Variants in MALRD1 observed in about 807,000 individuals in gnomAD.
The protein encoded by MALRD1 is MAM and LDL-receptor class A domain-containing protein 1.
MALRD1 carries 247 observed loss-of-function variants against 242.1 expected under a neutral mutation model. That is an observed-to-expected ratio of 1.02 (90% CI 0.92 to 1.13). The LOEUF is 1.13. MALRD1 is among the 50% of genes most tolerant of loss of function. MALRD1 has a pLI of 0.00. For missense variants in MALRD1, 2,989 were observed against 2,533.1 expected, an observed-to-expected ratio of 1.18 and a Z score of -3.86; for synonymous variants, 995 against 866.6, an observed-to-expected ratio of 1.15 and a Z score of -2.60.
chr10:19,644,037 C>G (rs1840534784), intron 36 of MALRD1, among the ~76,000 whole-genome samples: 1 of 152,208 alleles, frequency 6.6e-6, no homozygotes, highest in Admixed American at 6.5e-5. Context: ...CTCCTCTTGC[C>G]TCTTCGGCTT....
chr10:19,168,593 C>G (rs1286540606), intron 13 of MALRD1, among the ~76,000 whole-genome samples: 1 of 152,128 alleles, frequency 6.6e-6, no homozygotes, highest in Non-Finnish European at 1.5e-5. Context: ...TTAATGTTCT[C>G]CTTTTTGGAT....
intron 36 of MALRD1, among the ~76,000 whole-genome samples, chr10:19,639,872 T>C (rs10827726): frequency 0.051 from 7,689 of 152,226 alleles, 261 homozygotes; most frequent in Middle Eastern, 0.11. Context: ...GATGTGTGGC[T>C]TTGTATCTAT....
intron 38 of MALRD1, among the ~76,000 whole-genome samples, chr10:19,711,492 A>C (rs757176306): frequency 6.6e-6 from 1 of 152,228 alleles, no homozygotes; most frequent in East Asian, 1.9e-4. Context: ...TATATCAAAC[A>C]TATACAATCA....
intron 33 of MALRD1, among the ~76,000 whole-genome samples, chr10:19,584,516 T>G (rs1338159450): frequency 6.6e-6 from 1 of 152,204 alleles, no homozygotes; most frequent in Non-Finnish European, 1.5e-5. Flanking sequence ...TTGGTCAGTT[T>G]CCATGTAGTT....
At chr10:19,097,967 C>T (rs1489222138) in intron 4 of MALRD1, among the ~76,000 whole-genome samples, 2 of 152,268 alleles carry the variant, frequency 1.3e-5, no homozygotes, top group East Asian at 1.9e-4. Flanking sequence ...CTCTTACTTT[C>T]GGGAACACCC....
At chr10:19,682,576 G>T (rs1331129299) in intron 36 of MALRD1, among the ~76,000 whole-genome samples, 1 of 152,154 alleles carries the variant, frequency 6.6e-6, no homozygotes, top group East Asian at 1.9e-4. Flanking sequence ...TATTATGAAA[G>T]ATGCCAGAGC....
chr10:19,729,366 C>G (rs1376615859), intron 38 of MALRD1, among the ~76,000 whole-genome samples: 1 of 152,194 alleles, frequency 6.6e-6, no homozygotes, highest in Non-Finnish European at 1.5e-5. Context: ...TTAATTTTCA[C>G]TGTATCCTGA....
At chr10:19,535,936 T>C (rs940767106) in intron 32 of MALRD1, among the ~76,000 whole-genome samples, 1 of 152,060 alleles carries the variant, frequency 6.6e-6, no homozygotes, top group African/African-American at 2.4e-5. Flanking sequence ...GCAAAGAAAA[T>C]ACCTAAGATG....
chr10:19,411,052 TCTG>T (rs1354281170), intron 28 of MALRD1, among the ~76,000 whole-genome samples: 23 of 152,208 alleles, frequency 1.5e-4, no homozygotes, highest in Non-Finnish European at 2.8e-4. Context: ...TAATATGAAA[TCTG>T]CGACTTTTTG....
intron 35 of MALRD1, among the ~76,000 whole-genome samples, chr10:19,609,541 A>G (rs1000842536): frequency 2.0e-5 from 3 of 152,070 alleles, no homozygotes; most frequent in African/African-American, 4.8e-5. Context: ...TACAGCATCC[A>G]GTAATTCCCA....
chr10:19,510,850 G>C (rs760209062), intron 31 of MALRD1, among the ~76,000 whole-genome samples: 1 of 152,184 alleles, frequency 6.6e-6, no homozygotes. Context: ...GAATCTACTT[G>C]TTTTAACCAA....
At chr10:19,586,787 A>G (rs576180534) in intron 33 of MALRD1, among the ~76,000 whole-genome samples, 2 of 152,304 alleles carry the variant, frequency 1.3e-5, no homozygotes, top group South Asian at 4.1e-4. Context: ...TTGTTTACCT[A>G]AGCAAGCCTG....
intron 20 of MALRD1, among the ~76,000 whole-genome samples, chr10:19,282,291 A>T (rs1307404900): frequency 1.3e-5 from 2 of 152,320 alleles, no homozygotes; most frequent in Middle Eastern, 3.4e-3. Flanking sequence ...TTCAGATTTC[A>T]CATTAACTCA....
chr10:19,142,205 G>T (rs1430206786), intron 10 of MALRD1, among the ~76,000 whole-genome samples: 1 of 135,416 alleles, frequency 7.4e-6, no homozygotes, highest in African/African-American at 2.9e-5. Flanking sequence ...AAAGTGGAAT[G>T]CTAAAACACT....
intron 14 of MALRD1, among the ~76,000 whole-genome samples, chr10:19,196,814 T>G (rs372443569): frequency 2.0e-5 from 3 of 152,136 alleles, no homozygotes; most frequent in East Asian, 3.9e-4. Context: ...GGTTAAAGAC[T>G]TTGAAATCAT....
At chr10:19,313,249 T>C (rs1462617860) in intron 21 of MALRD1, among the ~76,000 whole-genome samples, 1 of 151,496 alleles carries the variant, frequency 6.6e-6, no homozygotes, top group African/African-American at 2.4e-5. Flanking sequence ...GTCATGATTA[T>C]AATCCTTACT....
At chr10:19,077,731 A>C (rs756465680) in intron 2 of MALRD1, among the ~76,000 whole-genome samples, 2 of 151,900 alleles carry the variant, frequency 1.3e-5, no homozygotes, top group Non-Finnish European at 2.9e-5. Flanking sequence ...GTGACACATC[A>C]GTTAAGGGTT....
intron 10 of MALRD1, among the ~76,000 whole-genome samples, chr10:19,140,160 GCTTT>G (rs1554796462): frequency 6.6e-6 from 1 of 151,786 alleles, no homozygotes; most frequent in Non-Finnish European, 1.5e-5. Context: ...CCCATACATA[GCTTT>G]CTTTCTTATT....
chr10:19,663,156 T>C (rs948870219), intron 36 of MALRD1, among the ~76,000 whole-genome samples: 1 of 152,134 alleles, frequency 6.6e-6, no homozygotes, highest in Non-Finnish European at 1.5e-5. Flanking sequence ...TTGGTAATTT[T>C]CCATCCCTCA....
Sources: allele counts gnomAD v4.1 joint callset (sites outside exome capture counted in the v4.1 genomes callset), GRCh38; gene constraint gnomAD v4.1.1; transcripts MANE v1.5; gene names NCBI Gene and HGNC (gene_info 2026-07-23, HGNC 2026-07-21).